CDK19: variants seen among roughly 807,000 people sequenced by gnomAD.
CDK19 encodes cyclin dependent kinase 19, also known as cyclin-dependent kinase 19.
In CDK19, 20 loss-of-function variants were observed where a neutral mutation model predicts 68.3. That is an observed-to-expected ratio of 0.29 (90% CI 0.21 to 0.43). The LOEUF is 0.43. CDK19 is among the 20% of genes least tolerant of loss of function. CDK19 has a pLI of 1.00. For synonymous variants in CDK19, 221 were observed against 222.8 expected (o/e 0.99, Z 0.07); for missense variants, 339 against 623.5 (o/e 0.54, Z 4.86).
intron 2 of CDK19, among the ~76,000 whole-genome samples, chr6:110,673,455 A>G (rs969091666): frequency 2.7e-4 from 41 of 152,218 alleles, no homozygotes; most frequent in East Asian, 7.7e-4. Flanking sequence ...TCCTTTGTAT[A>G]TATACCCAGA....
At chr6:110,684,302 G>A (rs990437320) in intron 2 of CDK19, among the ~76,000 whole-genome samples, 2 of 151,842 alleles carry the variant, frequency 1.3e-5, no homozygotes, top group East Asian at 1.9e-4. Context: ...ATTTATTTTT[G>A]TTGTTGTTGT....
intron 1 of CDK19, among the ~76,000 whole-genome samples, chr6:110,783,102 CTG>C (rs1371404858): frequency 6.6e-6 from 1 of 152,116 alleles, no homozygotes; most frequent in Non-Finnish European, 1.5e-5. Context: ...GTCAGGGTAA[CTG>C]ATGTTTTTAA....
At chr6:110,777,804 A>G (rs963525628) in intron 1 of CDK19, among the ~76,000 whole-genome samples, 2 of 152,254 alleles carry the variant, frequency 1.3e-5, no homozygotes, top group Non-Finnish European at 2.9e-5. Context: ...ACAGAATATT[A>G]GCCATAAAAA....
At chr6:110,771,229 C>T (rs186027380) in intron 1 of CDK19, among the ~76,000 whole-genome samples, 1 of 152,338 alleles carries the variant, frequency 6.6e-6, no homozygotes, top group Admixed American at 6.5e-5. Flanking sequence ...ATGAGGGCCT[C>T]GCCCCTGCAG....
intron 2 of CDK19, among the ~76,000 whole-genome samples, chr6:110,740,743 A>G (rs935218976): frequency 6.6e-6 from 1 of 152,192 alleles, no homozygotes; most frequent in Admixed American, 6.5e-5. Context: ...GTGTGCCTAT[A>G]TGAACTACAA....
chr6:110,647,861 A>C (rs1358655317), intron 4 of CDK19, among the ~76,000 whole-genome samples: 1 of 152,224 alleles, frequency 6.6e-6, no homozygotes, highest in African/African-American at 2.4e-5. Context: ...TTACTCATGA[A>C]TATAGTTGTA....
chr6:110,692,747 A>C (rs1037178037), intron 2 of CDK19, among the ~76,000 whole-genome samples: 8 of 152,218 alleles, frequency 5.3e-5, no homozygotes, highest in Admixed American at 5.2e-4. Flanking sequence ...CTGTAATCCC[A>C]GCACTTTGAG....
At chr6:110,618,644 T>C (rs913845447) in intron 12 of CDK19, among the ~76,000 whole-genome samples, 1 of 152,144 alleles carries the variant, frequency 6.6e-6, no homozygotes, top group Non-Finnish European at 1.5e-5. Context: ...TGCCTTTCTG[T>C]CCTGATAAGT....
At chr6:110,665,669 C>A (rs1781877628) in intron 4 of CDK19, among the ~76,000 whole-genome samples, 1 of 152,188 alleles carries the variant, frequency 6.6e-6, no homozygotes, top group Non-Finnish European at 1.5e-5. Flanking sequence ...TCATTAAGTG[C>A]ACAGCAGATT....
At chr6:110,681,088 A>G (rs2114515631) in intron 2 of CDK19, among the ~76,000 whole-genome samples, 1 of 152,304 alleles carries the variant, frequency 6.6e-6, no homozygotes, top group East Asian at 1.9e-4. Context: ...CTGTAATGCC[A>G]GCAGTCTGGG....
intron 2 of CDK19, among the ~76,000 whole-genome samples, chr6:110,715,364 A>T (rs1775289440): frequency 6.6e-6 from 1 of 152,160 alleles, no homozygotes; most frequent in Non-Finnish European, 1.5e-5. Context: ...TTTTCTGAAC[A>T]CTCCTATATT....
intron 4 of CDK19, among the ~76,000 whole-genome samples, chr6:110,639,739 G>A (rs936131898): frequency 6.6e-6 from 1 of 152,202 alleles, no homozygotes; most frequent in Non-Finnish European, 1.5e-5. Flanking sequence ...AAATTCAAAG[G>A]AGGAAGTGAT....
At chr6:110,692,334 A>G (rs956522783) in intron 2 of CDK19, among the ~76,000 whole-genome samples, 10 of 152,074 alleles carry the variant, frequency 6.6e-5, no homozygotes, top group African/African-American at 2.4e-4. Flanking sequence ...ACAGAATTAC[A>G]AAATGTAATG....
chr6:110,811,204 T>A (rs1294840241), intron 1 of CDK19, among the ~76,000 whole-genome samples: 1 of 152,172 alleles, frequency 6.6e-6, no homozygotes, highest in East Asian at 1.9e-4. Context: ...CCAACAAAAA[T>A]GCAAATACAA....
chr6:110,815,200 T>C lies in CDK19; in HGVS notation c.-64A>G, dbSNP rs1367303460. 2.9e-5 allele frequency: 38 copies of C among 1,324,860 alleles called. No individual in the cohort carries two copies. Among genetic ancestry groups the C allele is most frequent in the African/African-American group, 3.2e-5 (2 of 62,136 alleles). The allele number at this position is 1,324,860 out of a possible 1,614,324, so 82.1% of individuals were successfully genotyped here. A position where few individuals can be genotyped will look rare whatever the true frequency, so the allele number is the denominator to read the frequency against. The stretch of plus-strand genomic sequence containing the variant: ...GCCGCCGCTCAGTCCCTCCTCCTCC[T>C]CCCCCCGCGACCGCCGCTCCACTTC... On this transcript the variant is annotated 5_prime_UTR_variant, in exon 1 of 13. Coordinates refer to ENST00000368911, the MANE Select transcript of CDK19 (RefSeq NM_015076.5).
intron 4 of CDK19, among the ~76,000 whole-genome samples, chr6:110,644,970 T>A (rs1415216085): frequency 6.6e-6 from 1 of 152,110 alleles, no homozygotes; most frequent in East Asian, 1.9e-4. Flanking sequence ...TTGAAAAATA[T>A]ATATATGAAG....
At chr6:110,651,259 A>ATCTATCTATCTG (rs1780950947) in intron 4 of CDK19, among the ~76,000 whole-genome samples, 1 of 151,716 alleles carries the variant, frequency 6.6e-6, no homozygotes, top group South Asian at 2.1e-4. Flanking sequence ...CTATCTATCT[A>ATCTATCTATCTG]TCTATCCGTC....
intron 1 of CDK19, among the ~76,000 whole-genome samples, chr6:110,788,153 T>TTTG (rs200084899): frequency 2.0e-5 from 3 of 150,930 alleles, no homozygotes; most frequent in African/African-American, 4.9e-5. Context: ...TTTTTGTTTT[T>TTTG]TTGTTGTTGT....
chr6:110,788,044 TAGTC>T (rs1372719855), intron 1 of CDK19, among the ~76,000 whole-genome samples: 1 of 152,166 alleles, frequency 6.6e-6, no homozygotes, highest in African/African-American at 2.4e-5. Context: ...TTCATCATGT[TAGTC>T]AGGCTGGTCT....
Sources: allele counts gnomAD v4.1 joint callset (sites outside exome capture counted in the v4.1 genomes callset), GRCh38; gene constraint gnomAD v4.1.1; transcripts MANE v1.5; gene names NCBI Gene and HGNC (gene_info 2026-07-23, HGNC 2026-07-21).